GUCY1A2: variants seen among roughly 807,000 people sequenced by gnomAD.
GUCY1A2 encodes the protein guanylate cyclase 1 soluble subunit alpha 2.
A neutral mutation model predicts 63.5 loss-of-function variants in GUCY1A2; 27 were observed. The ratio of observed to expected loss-of-function variants is 0.43; its 90% CI spans 0.31 to 0.59. The LOEUF (loss-of-function observed/expected upper bound fraction) is 0.59. Among genes scored for constraint, GUCY1A2 ranks in the 20% least tolerant of loss-of-function variants. The pLI is 0.11. For synonymous variants in GUCY1A2, 364 were observed against 343.5 expected (o/e 1.06, Z -0.66); for missense variants, 768 against 913.3 (o/e 0.84, Z 2.05).
At chr11:106,799,686 A>T (rs1462683348) in intron 5 of GUCY1A2, among the ~76,000 whole-genome samples, 1 of 152,220 alleles carries the variant, frequency 6.6e-6, no homozygotes, top group Non-Finnish European at 1.5e-5. Context: ...CTGGCTAGCC[A>T]TATGTAGGAA....
At chr11:106,901,946 G>C (rs769086813) in intron 4 of GUCY1A2, among the ~76,000 whole-genome samples, 1 of 152,042 alleles carries the variant, frequency 6.6e-6, no homozygotes, top group Non-Finnish European at 1.5e-5. Context: ...GCAATAACAT[G>C]TATATTTATT....
intron 6 of GUCY1A2, among the ~76,000 whole-genome samples, chr11:106,765,490 T>C (rs1246846022): frequency 6.6e-6 from 1 of 152,124 alleles, no homozygotes; most frequent in African/African-American, 2.4e-5. Flanking sequence ...CCCTCACATT[T>C]CTAATACCTA....
intron 5 of GUCY1A2, among the ~76,000 whole-genome samples, chr11:106,793,447 G>C (rs1864698439): frequency 6.6e-6 from 1 of 151,974 alleles, no homozygotes; most frequent in African/African-American, 2.4e-5. Flanking sequence ...TTAGCAATGA[G>C]TTTTTTGGAT....
Position 106,686,695 on chromosome 11 carries a change from T to C in GUCY1A2, c.*854A>G, listed in dbSNP as rs1415020748. 1 of 211,042 alleles carries C rather than the reference T, an allele frequency of 4.7e-6. No homozygotes were observed. The highest frequency in any genetic ancestry group is 1.9e-4 in the South Asian group (1 of 5,332). 13.1% of individuals were successfully genotyped at this position (211,042 alleles called of 1,614,324 possible). A position where few individuals can be genotyped will look rare whatever the true frequency, so the allele number is the denominator to read the frequency against. On this transcript the variant is annotated 3_prime_UTR_variant, in exon 8 of 8. Transcript: ENST00000526355. ...GCAAAGCATTTCATTTTAACTGATA[T>C]TTGTTAGAAGGTGGCAAAAAGACCT...
intron 5 of GUCY1A2, among the ~76,000 whole-genome samples, chr11:106,803,141 G>T (rs919589255): frequency 6.6e-6 from 1 of 152,074 alleles, no homozygotes; most frequent in African/African-American, 2.4e-5. Flanking sequence ...GAATATAGAA[G>T]AAAAATAATT....
intron 7 of GUCY1A2, among the ~76,000 whole-genome samples, chr11:106,703,251 C>T (rs192785924): frequency 6.6e-6 from 1 of 152,224 alleles, no homozygotes; most frequent in African/African-American, 2.4e-5. Context: ...GTCAATACTC[C>T]TTAATAAACT....
At chr11:106,890,648 C>A (rs1859961374) in intron 4 of GUCY1A2, among the ~76,000 whole-genome samples, 1 of 152,188 alleles carries the variant, frequency 6.6e-6, no homozygotes, top group South Asian at 2.1e-4. Flanking sequence ...GCTATCCAAT[C>A]AATTTTTACA....
chr11:106,716,797 TAAGAG>T lies in GUCY1A2; in HGVS notation c.1837-8136_1837-8132del, dbSNP rs1295305896. On this transcript the variant is annotated intron_variant, in intron 6 of 7. Coordinates refer to ENST00000526355, the MANE Select transcript of GUCY1A2 (RefSeq NM_000855.3). Reference sequence around the variant, plus strand: ...AAAAAAAAAAAAAAAAAAAAAAAGATAAGAGTAAATCTCAGGAATTATAAGAGAGC... The same window carrying T: ...AAAAAAAAAAAAAAAAAAAAAAAGATTAAATCTCAGGAATTATAAGAGAGC... Among the ~76,000 whole-genome samples, 6 of 105,634 alleles carry T rather than the reference TAAGAG, an allele frequency of 5.7e-5. No individual in the cohort carries two copies. In the South Asian group the frequency reaches 9.2e-4, roughly 16 times the overall value. The allele number at this position is 105,634 out of a possible 152,430, so 69.3% of individuals were successfully genotyped here. A position where few individuals can be genotyped will look rare whatever the true frequency, so the allele number is the denominator to read the frequency against.
intron 3 of GUCY1A2, among the ~76,000 whole-genome samples, chr11:106,978,237 C>A (rs1190894406): frequency 6.6e-6 from 1 of 152,050 alleles, no homozygotes; most frequent in Non-Finnish European, 1.5e-5. Flanking sequence ...TGTGGGCCAC[C>A]CTTCTGCCCC....
chr11:106,975,434 C>T (rs1387169554), intron 3 of GUCY1A2, among the ~76,000 whole-genome samples: 3 of 152,102 alleles, frequency 2.0e-5, no homozygotes, highest in African/African-American at 4.8e-5. Context: ...TTTTGGACAA[C>T]TAAAATTAGA....
chr11:106,710,849 G>A (rs1863104892), intron 6 of GUCY1A2, among the ~76,000 whole-genome samples: 1 of 151,900 alleles, frequency 6.6e-6, no homozygotes, highest in East Asian at 1.9e-4. Flanking sequence ...TGCCTACCAA[G>A]TAGCCAAATA....
At chr11:106,797,975 G>A (rs959825523) in intron 5 of GUCY1A2, among the ~76,000 whole-genome samples, 3 of 152,090 alleles carry the variant, frequency 2.0e-5, no homozygotes, top group African/African-American at 4.8e-5. Context: ...AATGAATCCA[G>A]GAGCTGGTTT....
chr11:106,675,666 A>G lies in GUCY1A2; in HGVS notation c.*11883T>C, dbSNP rs1437647232. 1 of 188,446 alleles carries G rather than the reference A, an allele frequency of 5.3e-6. No individual in the cohort carries two copies. The highest frequency in any genetic ancestry group is 8.5e-5 in the East Asian group (1 of 11,748). 11.7% of individuals were successfully genotyped at this position (188,446 alleles called of 1,614,324 possible). A position where few individuals can be genotyped will look rare whatever the true frequency, so the allele number is the denominator to read the frequency against. Reference sequence around the variant, plus strand: ...CTAAAGAAATACAAATGGTAAAGGTATTGAAAGTCACATTTCTTTATCTGA... The same window carrying G: ...CTAAAGAAATACAAATGGTAAAGGTGTTGAAAGTCACATTTCTTTATCTGA... On this transcript the variant is annotated 3_prime_UTR_variant, in exon 8 of 8. Coordinates refer to ENST00000526355, the MANE Select transcript of GUCY1A2 (RefSeq NM_000855.3).
intron 5 of GUCY1A2, among the ~76,000 whole-genome samples, chr11:106,804,094 C>A (rs1244114220): frequency 6.6e-6 from 1 of 152,162 alleles, no homozygotes; most frequent in Non-Finnish European, 1.5e-5. Flanking sequence ...ATTTCCATAA[C>A]ATTTTAAAGG....
intron 6 of GUCY1A2, among the ~76,000 whole-genome samples, chr11:106,736,544 T>C (rs563717813): frequency 6.6e-6 from 1 of 152,308 alleles, no homozygotes; most frequent in African/African-American, 2.4e-5. Flanking sequence ...CTCTGTAGTA[T>C]AATTTAAGTC....
At chr11:106,953,802 A>C (rs1860944482) in intron 3 of GUCY1A2, among the ~76,000 whole-genome samples, 1 of 151,834 alleles carries the variant, frequency 6.6e-6, no homozygotes, top group Admixed American at 6.6e-5. Flanking sequence ...TTTCTAGTTT[A>C]TTTGCGTAAA....
chr11:106,758,389 C>CAGTATAG (rs1195456695), intron 6 of GUCY1A2, among the ~76,000 whole-genome samples: 1 of 152,190 alleles, frequency 6.6e-6, no homozygotes, highest in African/African-American at 2.4e-5. Flanking sequence ...TCATTCCTCC[C>CAGTATAG]AGTATAGACT....
At chr11:106,964,722 G>C (rs530655948) in intron 3 of GUCY1A2, among the ~76,000 whole-genome samples, 1 of 152,212 alleles carries the variant, frequency 6.6e-6, no homozygotes, top group Non-Finnish European at 1.5e-5. Flanking sequence ...CCTCATGCCT[G>C]TAATCCCAGC....
chr11:107,006,539 G>C (rs968066726), intron 1 of GUCY1A2, among the ~76,000 whole-genome samples: 1 of 152,136 alleles, frequency 6.6e-6, no homozygotes, highest in Non-Finnish European at 1.5e-5. Flanking sequence ...AAGTCTAAAA[G>C]ATAGGAAAAC....
Sources: gnomAD v4.1 joint callset for allele counts (sites outside exome capture counted in the v4.1 genomes callset) on GRCh38, gnomAD v4.1.1 for gene constraint, MANE v1.5 for transcripts, NCBI Gene and HGNC (gene_info 2026-07-23, HGNC 2026-07-21) for gene names.